The following TENM3 variants were observed in gnomAD, a reference collection of about 807,000 sequenced individuals.
The protein encoded by TENM3 is teneurin-3.
In TENM3, 63 loss-of-function variants were observed where a neutral mutation model predicts 255.1. The observed-to-expected ratio is 0.25, with a 90% CI of 0.20 to 0.30. The LOEUF is 0.30. TENM3 is among the 10% of genes least tolerant of loss of function. The pLI is 1.00. For missense variants in TENM3, 2,929 were observed against 3,461.1 expected, an observed-to-expected ratio of 0.85 and a Z score of 3.86; for synonymous variants, 1,306 against 1,322.3, an observed-to-expected ratio of 0.99 and a Z score of 0.27.
chr4:181,696,181 G>C, the TENM3 span, among the ~76,000 whole-genome samples: 8 of 152,116 alleles, frequency 5.3e-5, no homozygotes, highest in Admixed American at 3.9e-4. Context: ...CTAATAACTT[G>C]AGACATTTTA....
At chr4:181,653,501 C>T in the TENM3 span, among the ~76,000 whole-genome samples, 19 of 152,104 alleles carry the variant, frequency 1.2e-4, no homozygotes, top group Admixed American at 9.8e-4. Context: ...CTTCCACCTC[C>T]CGGGTTCAAG....
At chr4:182,554,624 A>T (rs1394709988) in intron 3 of TENM3, among the ~76,000 whole-genome samples, 2 of 152,172 alleles carry the variant, frequency 1.3e-5, no homozygotes, top group African/African-American at 4.8e-5. Flanking sequence ...TCTTATCATT[A>T]ACCTTGTTTT....
In TENM3 at chr4:182,487,010, T is replaced by G. The variant is rs762521904; in HGVS notation, c.512-113914T>G. 3.9e-5 allele frequency among the ~76,000 whole-genome samples: 6 copies of G among 152,172 alleles called. 1 individual carries two copies. Among genetic ancestry groups the G allele is most frequent in the Admixed American group, 3.3e-4 (5 of 15,270 alleles). Reference sequence around the variant, plus strand: ...CTTTTCTCTTCCTCTATGTGAGTCATCTAGTACCACATCTCACTCGGTATC... The same window carrying G: ...CTTTTCTCTTCCTCTATGTGAGTCAGCTAGTACCACATCTCACTCGGTATC... On this transcript the variant is annotated intron_variant, in intron 3 of 27. Coordinates refer to ENST00000511685, the MANE Select transcript of TENM3 (RefSeq NM_001080477.4).
At chr4:182,655,970 T>C (rs1367790614) in intron 6 of TENM3, among the ~76,000 whole-genome samples, 2 of 152,176 alleles carry the variant, frequency 1.3e-5, no homozygotes, top group Non-Finnish European at 2.9e-5. Context: ...CCCACTAAAA[T>C]AATTTCATAC....
At chr4:182,225,766 G>T (rs993082568) in intron 1 of TENM3, among the ~76,000 whole-genome samples, 2 of 152,190 alleles carry the variant, frequency 1.3e-5, no homozygotes, top group African/African-American at 4.8e-5. Flanking sequence ...AGTCAGGGAA[G>T]AAAGTGGCTT....
At chr4:182,331,673 T>C (rs2150555049) in intron 2 of TENM3, among the ~76,000 whole-genome samples, 1 of 152,268 alleles carries the variant, frequency 6.6e-6, no homozygotes, top group South Asian at 2.1e-4. Context: ...AAAGATATAT[T>C]AGGTGAATAC....
chr4:181,627,622 G>A, the TENM3 span, among the ~76,000 whole-genome samples: 26 of 152,160 alleles, frequency 1.7e-4, no homozygotes, highest in African/African-American at 6.3e-4. Flanking sequence ...TGCTGAGAAT[G>A]ATGGTTTCCA....
intron 3 of TENM3, among the ~76,000 whole-genome samples, chr4:182,421,545 C>T (rs555010646): frequency 6.6e-6 from 1 of 152,248 alleles, no homozygotes; most frequent in African/African-American, 2.4e-5. Flanking sequence ...AGAAGACTTA[C>T]TTCTGTTAGT....
At chr4:181,767,112 C>T in the TENM3 span, among the ~76,000 whole-genome samples, 15 of 143,000 alleles carry the variant, frequency 1.0e-4, no homozygotes, top group African/African-American at 5.2e-5. Flanking sequence ...ATTAGCAGGG[C>T]GTGGTGGCGG....
At chr4:181,910,630 A>ATGTGTG in the TENM3 span, among the ~76,000 whole-genome samples, 4 of 93,808 alleles carry the variant, frequency 4.3e-5, no homozygotes, top group South Asian at 3.6e-4. Flanking sequence ...GTGTGTGTGT[A>ATGTGTG]TGTGTGTGTG....
the TENM3 span, among the ~76,000 whole-genome samples, chr4:182,112,341 C>T: frequency 2.6e-5 from 4 of 152,242 alleles, no homozygotes; most frequent in Non-Finnish European, 5.9e-5. Context: ...TTTTCCCTCC[C>T]CTCATCACCT....
intron 1 of TENM3, among the ~76,000 whole-genome samples, chr4:182,202,494 G>A (rs1212457650): frequency 6.6e-6 from 1 of 151,830 alleles, no homozygotes; most frequent in African/African-American, 2.4e-5. Context: ...TAATAGAGAC[G>A]GGGTTTCTCC....
At chr4:182,565,285 G>GTAA (rs1206627919) in intron 3 of TENM3, among the ~76,000 whole-genome samples, 1 of 152,132 alleles carries the variant, frequency 6.6e-6, no homozygotes, top group Non-Finnish European at 1.5e-5. Context: ...AACTGAGAAG[G>GTAA]TAATAAATCA....
At chr4:182,221,787 T>TA (rs1174715466) in intron 1 of TENM3, among the ~76,000 whole-genome samples, 2 of 152,222 alleles carry the variant, frequency 1.3e-5, no homozygotes, top group African/African-American at 4.8e-5. Context: ...AATCTACAAA[T>TA]AAGACATTTT....
chr4:182,549,097 T>C (rs1334539769), intron 3 of TENM3, among the ~76,000 whole-genome samples: 9 of 152,200 alleles, frequency 5.9e-5, no homozygotes, highest in Non-Finnish European at 1.2e-4. Flanking sequence ...CGGCTCCAGA[T>C]ATAATTCTAA....
chr4:181,457,016 C>A, the TENM3 span, among the ~76,000 whole-genome samples: 1 of 151,762 alleles, frequency 6.6e-6, no homozygotes, highest in Non-Finnish European at 1.5e-5. Flanking sequence ...CAGCATCAAC[C>A]AGGAAGTCTT....
At chr4:181,680,073 C>T in the TENM3 span, among the ~76,000 whole-genome samples, 16 of 152,204 alleles carry the variant, frequency 1.1e-4, no homozygotes, top group Admixed American at 9.8e-4. Context: ...CAGCTTGCTG[C>T]CACACTGTGT....
At chr4:181,909,084 A>G in the TENM3 span, among the ~76,000 whole-genome samples, 1 of 152,128 alleles carries the variant, frequency 6.6e-6, no homozygotes, top group Non-Finnish European at 1.5e-5. Context: ...CTGTCATACT[A>G]CTGGCACCTA....
chr4:182,797,395 C>T (rs149363018), intron 27 of TENM3, among the ~76,000 whole-genome samples: 4,250 of 151,880 alleles, frequency 0.028, 188 homozygotes, highest in African/African-American at 0.095. Flanking sequence ...CCCGAGATCA[C>T]GCCATTGTAC....
Sources: gnomAD v4.1 joint callset for allele counts (sites outside exome capture counted in the v4.1 genomes callset) on GRCh38, gnomAD v4.1.1 for gene constraint, MANE v1.5 for transcripts, NCBI Gene and HGNC (gene_info 2026-07-23, HGNC 2026-07-21) for gene names.